The following COP1 variants were observed in gnomAD, a reference collection of about 807,000 sequenced individuals.
COP1 encodes the protein E3 ubiquitin-protein ligase COP1.
Under a neutral mutation model 101.3 loss-of-function variants are expected in COP1, and 24 were observed. The ratio of observed to expected loss-of-function variants is 0.24; its 90% CI spans 0.17 to 0.33. The LOEUF (loss-of-function observed/expected upper bound fraction) is 0.33, where lower values mean the gene tolerates loss of function less well. Among genes scored for constraint, COP1 ranks in the 10% least tolerant of loss-of-function variants. The pLI, the probability that COP1 is intolerant of heterozygous loss-of-function variation, is 1.00. For missense variants in COP1, 663 were observed against 906.2 expected (o/e 0.73, Z 3.45); for synonymous variants, 347 against 341.9 (o/e 1.01, Z -0.17).
chr1:175,961,241 A>G (rs1651303346), intron 18 of COP1, among the ~76,000 whole-genome samples: 1 of 152,200 alleles, frequency 6.6e-6, no homozygotes, highest in Admixed American at 6.5e-5. Flanking sequence ...AGATCTAACT[A>G]TACATGTCCT....
chr1:176,006,897 C>T (rs959877597), intron 15 of COP1, among the ~76,000 whole-genome samples: 3 of 151,880 alleles, frequency 2.0e-5, no homozygotes, highest in African/African-American at 7.3e-5. Context: ...CGTTGGCCTG[C>T]CTTGCTAGAT....
Position 176,061,463 on chromosome 1 carries a change from C to T in COP1, c.1278-15139G>A, listed in dbSNP as rs978742756. 2.0e-5 allele frequency among the ~76,000 whole-genome samples: 3 copies of T among 151,964 alleles called. No individual in the cohort carries two copies. The South Asian group carries it at 6.2e-4, about 32-fold the overall frequency. On this transcript the variant is annotated intron_variant, in intron 11 of 19. Coordinates refer to ENST00000367669, the MANE Select transcript of COP1 (RefSeq NM_022457.7). The stretch of plus-strand genomic sequence containing the variant: ...CCAACATGGAAACACCTTATCTCTA[C>T]TAAAAATACAAAATTCACTAGGCAT...
intron 18 of COP1, among the ~76,000 whole-genome samples, chr1:175,985,420 T>A (rs1222335162): frequency 2.0e-5 from 3 of 152,218 alleles, no homozygotes; most frequent in African/African-American, 4.8e-5. Flanking sequence ...ATATTAGCAA[T>A]CAAGGGTCAC....
intron 9 of COP1, among the ~76,000 whole-genome samples, chr1:176,115,369 G>A (rs1197865590): frequency 6.6e-6 from 1 of 152,108 alleles, no homozygotes; most frequent in East Asian, 1.9e-4. Flanking sequence ...AGAATCGCTT[G>A]AACCCAGAAG....
At chr1:176,040,817 T>C (rs61820966) in intron 14 of COP1, among the ~76,000 whole-genome samples, 10,034 of 152,220 alleles carry the variant, frequency 0.066, 411 homozygotes, top group Middle Eastern at 0.12. Flanking sequence ...AAATAAAGCT[T>C]CCAATGCTAG....
At position 176,139,951 on chromosome 1, in the gene COP1, G is replaced by A. The variant is rs922220256; in HGVS notation, c.832-3404C>T. Among the ~76,000 whole-genome samples the A allele has an allele frequency of 6.6e-5, 10 of 152,178 alleles. 1 individual carries two copies. Among genetic ancestry groups the A allele is most frequent in the Admixed American group, 5.2e-4 (8 of 15,274 alleles). ...GTACATGTACTCCCTGAATCGAAAA[G>A]TTGAAATTATATTTAAAAAGAAAGT... On this transcript the variant is annotated intron_variant, in intron 6 of 19. Coordinates refer to ENST00000367669, the MANE Select transcript of COP1 (RefSeq NM_022457.7).
intron 2 of COP1, among the ~76,000 whole-genome samples, chr1:176,183,175 C>G (rs1698002818): frequency 6.6e-6 from 1 of 152,142 alleles, no homozygotes; most frequent in Non-Finnish European, 1.5e-5. Flanking sequence ...AAGCATCATG[C>G]TCCAGATGAA....
At chr1:176,042,587 C>T (rs1670798389) in intron 14 of COP1, among the ~76,000 whole-genome samples, 1 of 148,788 alleles carries the variant, frequency 6.7e-6, no homozygotes, top group Non-Finnish European at 1.5e-5. Flanking sequence ...AAAAACTAGC[C>T]AAGTGTGGTG....
At chr1:175,950,253 TTGAA>T (rs1254647391) in intron 18 of COP1, among the ~76,000 whole-genome samples, 2 of 151,982 alleles carry the variant, frequency 1.3e-5, no homozygotes, top group African/African-American at 4.8e-5. Context: ...GAATGCCAGT[TTGAA>T]TGGTCTTTTA....
intron 6 of COP1, among the ~76,000 whole-genome samples, chr1:176,139,288 C>CAA (rs563184945): frequency 0.036 from 3,924 of 108,254 alleles, 120 homozygotes; most frequent in South Asian, 0.16. Context: ...ACAAAAAAAA[C>CAA]AAAAAAAAAA....
chr1:176,135,291 A>T (rs960856074), intron 7 of COP1, among the ~76,000 whole-genome samples: 4 of 152,060 alleles, frequency 2.6e-5, no homozygotes, highest in Non-Finnish European at 5.9e-5. Context: ...TCCATGGTAC[A>T]CAATCTTAAA....
intron 1 of COP1, among the ~76,000 whole-genome samples, chr1:176,203,051 T>G (rs186099343): frequency 3.4e-4 from 51 of 152,174 alleles, no homozygotes; most frequent in African/African-American, 1.2e-3. Context: ...AAAGTCAACC[T>G]TCTCGGCCGG....
intron 2 of COP1, 144 bp downstream of exon 2, chr1:176,184,489 C>G: frequency 1.6e-6 from 1 of 631,824 alleles, no homozygotes; most frequent in South Asian, 2.2e-5. Context: ...CTTAAACTGC[C>G]ACATCTACAA....
intron 6 of COP1, among the ~76,000 whole-genome samples, chr1:176,143,060 G>A (rs548909833): frequency 6.7e-6 from 1 of 150,216 alleles, no homozygotes; most frequent in Admixed American, 6.7e-5. Context: ...TCAAAAGTTA[G>A]TTATTAGAAA....
At chr1:176,127,952 G>A (rs1299565716) in intron 8 of COP1, among the ~76,000 whole-genome samples, 1 of 151,978 alleles carries the variant, frequency 6.6e-6, no homozygotes, top group Non-Finnish European at 1.5e-5. Context: ...GAGGTGATGT[G>A]CATTAATTTG....
intron 18 of COP1, chr1:175,982,388 T>C (rs1558205317): frequency 2.2e-6 from 1 of 456,634 alleles, no homozygotes; most frequent in East Asian, 6.9e-5. Flanking sequence ...ATTTTCTTCC[T>C]CTTCTACCAC....
At chr1:176,199,227 G>C (rs538475494) in intron 1 of COP1, among the ~76,000 whole-genome samples, 14 of 152,266 alleles carry the variant, frequency 9.2e-5, no homozygotes, top group Non-Finnish European at 1.6e-4. Flanking sequence ...TAAGGCAGGA[G>C]AATTGCTTGA....
At chr1:176,141,930 C>T (rs1690754975) in intron 6 of COP1, among the ~76,000 whole-genome samples, 1 of 151,984 alleles carries the variant, frequency 6.6e-6, no homozygotes, top group African/African-American at 2.4e-5. Flanking sequence ...GACAAAGTCT[C>T]ACTATATTGT....
At chr1:176,185,137 C>T (rs1047626601) in intron 1 of COP1, among the ~76,000 whole-genome samples, 3 of 152,016 alleles carry the variant, frequency 2.0e-5, no homozygotes, top group African/African-American at 7.3e-5. Flanking sequence ...ATTCTAGTTT[C>T]GACAATGCTT....
Sources: gnomAD v4.1 joint callset for allele counts (sites outside exome capture counted in the v4.1 genomes callset) on GRCh38, gnomAD v4.1.1 for gene constraint, MANE v1.5 for transcripts, NCBI Gene and HGNC (gene_info 2026-07-23, HGNC 2026-07-21) for gene names.